Variants in BOD1L1 observed in about 807,000 individuals in gnomAD.
The protein encoded by BOD1L1 is biorientation of chromosomes in cell division 1 like 1.
BOD1L1 carries 86 observed loss-of-function variants against 240.7 expected under a neutral mutation model. The observed-to-expected ratio is 0.36, with a 90% CI of 0.30 to 0.43. The LOEUF (loss-of-function observed/expected upper bound fraction) is 0.43, where lower values mean the gene tolerates loss of function less well. Among genes scored for constraint, BOD1L1 ranks in the 20% least tolerant of loss-of-function variants. The probability of loss-of-function intolerance (pLI) is 1.00; values close to 1 mark genes in which losing one functional copy is unlikely to be tolerated. For missense variants in BOD1L1, 3,554 were observed against 3,643.5 expected, an observed-to-expected ratio of 0.98 and a Z score of 0.63; for synonymous variants, 1,268 against 1,272.3, an observed-to-expected ratio of 1.00 and a Z score of 0.07.
In BOD1L1 at chr4:13,613,676, T is replaced by C; in HGVS notation, c.1175-15A>G. On this transcript the variant is annotated splice_polypyrimidine_tract_variant and intron_variant, in intron 4 of 25. Coordinates refer to ENST00000040738, the MANE Select transcript of BOD1L1 (RefSeq NM_148894.3). This position sits in a 1 kb window ranked among gnomAD's most constrained non-coding sequence, Gnocchi z 4.0. The stretch of plus-strand genomic sequence containing the variant: ...CAAAGAGAAATCTTCAAGCGGAAAA[T>C]AAAACACAGAAAAAAAAATCATCTT... The C allele has an allele frequency of 6.7e-7, 1 of 1,491,926 alleles. No homozygotes were observed. Among genetic ancestry groups the C allele is most frequent in the Non-Finnish European group, 9.0e-7 (1 of 1,110,014 alleles). 92.4% of individuals were successfully genotyped at this position (1,491,926 alleles called of 1,614,324 possible).
rs760450890 is a variant in BOD1L1 at position 13,601,515 on chromosome 4, C to G, written c.5385G>C (p.Gly1795=). The part of the protein sequence containing the change: ...TEGESAVTST[G]ITEDGEGPAS... ...CTGGCCCCTCTCCATCTTCTGTTAT[C>G]CCCGTGCTGGTGACTGCACTCTCAC... The change falls in exon 10 of 26, where the codon GGG becomes GGC. Residue 1795 remains glycine, a synonymous_variant. Transcript: ENST00000040738. 1 of 1,614,032 alleles carries G rather than the reference C, an allele frequency of 6.2e-7. No homozygotes were observed. The highest frequency in any genetic ancestry group is 8.5e-7 in the Non-Finnish European group (1 of 1,179,896).
rs748030054 is a variant in BOD1L1 at position 13,610,928 on chromosome 4, A to G, written c.1491+6T>C. The G allele has an allele frequency of 1.9e-6, 3 of 1,593,162 alleles. No homozygotes were observed. Among genetic ancestry groups the G allele is most frequent in the Non-Finnish European group, 2.6e-6 (3 of 1,171,816 alleles). ...AGGTTAAAATAACAGAACAAACTGG[A>G]CTTACAATGGACTGTCGTCGTTGTT... On this transcript the variant is annotated splice_donor_region_variant and intron_variant, in intron 6 of 25. Coordinates refer to ENST00000040738, the MANE Select transcript of BOD1L1 (RefSeq NM_148894.3).
At chr4:13,609,431 G>T in intron 6 of BOD1L1, 25 bp from the exon 7 acceptor site, 1 of 1,395,526 alleles carries the variant, frequency 7.2e-7, no homozygotes, top group East Asian at 2.6e-5. Flanking sequence ...TACCCTAACA[G>T]ATTATTAGGC....
chr4:13,573,482 T>A (rs77144434), intron 25 of BOD1L1, among the ~76,000 whole-genome samples: 695 of 55,730 alleles, frequency 0.012, 5 homozygotes, highest in African/African-American at 0.021. Flanking sequence ...CTTTCTTTCT[T>A]TCTTTCTTTC....
At chr4:13,571,524 G>A (rs1195285361) in intron 25 of BOD1L1, among the ~76,000 whole-genome samples, 2 of 152,198 alleles carry the variant, frequency 1.3e-5, no homozygotes, top group South Asian at 2.1e-4. Flanking sequence ...TAAAGGTGCC[G>A]TGCGCAGTAT....
At chr4:13,578,449 C>A (rs571847213) in intron 22 of BOD1L1, among the ~76,000 whole-genome samples, 1 of 152,296 alleles carries the variant, frequency 6.6e-6, no homozygotes, top group Non-Finnish European at 1.5e-5. Flanking sequence ...ATTAGGAATG[C>A]TCAACTGGGA....
chr4:13,602,121 CCCA>C lies in BOD1L1; in HGVS notation c.4776_4778del (p.Gly1593del). 2 of 1,614,004 alleles carry C rather than the reference CCCA, an allele frequency of 1.2e-6. No homozygotes were observed. Among genetic ancestry groups the C allele is most frequent in the South Asian group, 2.2e-5 (2 of 91,088 alleles). ...CAGCAAATCCCTCTGTGACAACAGC[CCCA>C]CCTTCTTCAGCTGCAGCAAAAACAG... On this transcript the variant is annotated inframe_deletion, in exon 10 of 26. Coordinates refer to ENST00000040738, the MANE Select transcript of BOD1L1 (RefSeq NM_148894.3).
intron 23 of BOD1L1, 29 bp downstream of exon 23, chr4:13,577,553 C>T (rs1211811133): frequency 3.1e-6 from 5 of 1,588,070 alleles, no homozygotes; most frequent in Non-Finnish European, 4.3e-6. Flanking sequence ...TTCTAAACAA[C>T]ATATCTTGAT....
Position 13,599,886 on chromosome 4 carries a change from C to T in BOD1L1, c.7014G>A (p.Met2338Ile). ...GTCTGTCAATGCTGGCGGAAATTGG[C>T]ATACATTCTGCTGTGCTGGTGGAGA... Reference protein sequence around the residue: ...AIISTSTAECMPISASIDRHE... With the variant: ...AIISTSTAECIPISASIDRHE... Residue 2338 changes from methionine (M) to isoleucine (I), a missense_variant, in exon 10 of 26, where the codon ATG (methionine) becomes ATA (isoleucine). Transcript: ENST00000040738. The T allele has an allele frequency of 1.2e-6, 2 of 1,613,974 alleles. No homozygotes were observed. The highest frequency in any genetic ancestry group is 1.6e-4 in the Middle Eastern group (1 of 6,062).
At position 13,613,638 on chromosome 4, in the gene BOD1L1, C is replaced by T. The variant is rs139829717; in HGVS notation, c.1198G>A (p.Val400Met). The change falls in exon 5 of 26, where the codon GTG becomes ATG. Residue 400 changes from valine (V) to methionine (M), a missense_variant. Val to Met is a conservative substitution (Grantham distance 21). Transcript: ENST00000040738. The surrounding 1 kb of genome is among the most constrained non-coding windows in gnomAD (Gnocchi z 4.0). Reference protein sequence around the residue: ...KEDFSLIDSDVDGLTDITVSS... With the variant: ...KEDFSLIDSDMDGLTDITVSS... ...ACTGTGATGTCTGTAAGTCCATCCA[C>T]ATCAGAATCTATCAAAGAGAAATCT... 19 of 1,560,868 alleles carry T rather than the reference C, an allele frequency of 1.2e-5. No individual in the cohort carries two copies. The African/African-American group carries it at 2.0e-4, about 17-fold the overall frequency.
chr4:13,621,229 A>G (rs1717013165), intron 1 of BOD1L1, among the ~76,000 whole-genome samples: 1 of 152,200 alleles, frequency 6.6e-6, no homozygotes, highest in African/African-American at 2.4e-5. Context: ...CTGTCTCCCA[A>G]CACTGATGTT....
intron 1 of BOD1L1, 91 bp downstream of exon 1, chr4:13,627,254 C>G: frequency 1.6e-6 from 1 of 614,734 alleles, no homozygotes; most frequent in Non-Finnish European, 2.2e-6. Flanking sequence ...TGGCACACAG[C>G]TGCAGCTCCA....
chr4:13,576,569 A>G (rs1712764408), intron 25 of BOD1L1, among the ~76,000 whole-genome samples: 1 of 151,928 alleles, frequency 6.6e-6, no homozygotes, highest in African/African-American at 2.4e-5. Context: ...CAGATGCTCA[A>G]AAAATATATT....
At chr4:13,578,454 C>G (rs1429043348) in intron 22 of BOD1L1, among the ~76,000 whole-genome samples, 1 of 152,188 alleles carries the variant, frequency 6.6e-6, no homozygotes. Context: ...GAATGCTCAA[C>G]TGGGAAATGC....
Position 13,576,011 on chromosome 4 carries a change from C to T in BOD1L1, c.9038+827G>A, listed in dbSNP as rs987441817. Among the ~76,000 whole-genome samples the T allele has an allele frequency of 4.6e-5, 7 of 150,684 alleles. No homozygotes were observed. The East Asian group carries it at 1.4e-3, about 30-fold the overall frequency. ...TCCGCCTCCCACGGTTAAGCAATTC[C>T]CCTGCCTCAGCCTCCCGAGTAGCTG... On this transcript the variant is annotated intron_variant, in intron 25 of 25. Coordinates refer to ENST00000040738, the MANE Select transcript of BOD1L1 (RefSeq NM_148894.3).
rs960011352 is a variant in BOD1L1 at position 13,627,482 on chromosome 4, G to C, written c.106C>G (p.Pro36Ala). 1 of 1,009,288 alleles carries C rather than the reference G, an allele frequency of 9.9e-7. No homozygotes were observed. Among genetic ancestry groups the C allele is most frequent in the Admixed American group, 6.1e-5 (1 of 16,344 alleles). 62.5% of individuals were successfully genotyped at this position (1,009,288 alleles called of 1,614,324 possible). A position where few individuals can be genotyped will look rare whatever the true frequency, so the allele number is the denominator to read the frequency against. ...PPPPPGPGAG[P>A]GAGGAGGAGA... is the part of the protein sequence containing the mutation. Reference sequence around the variant, plus strand: ...GCGCCGCCCGCCCCGCCCGCGCCGGGGCCAGCCCCGGGGCCCGGCGGCGGC... The same window carrying C: ...GCGCCGCCCGCCCCGCCCGCGCCGGCGCCAGCCCCGGGGCCCGGCGGCGGC... Residue 36 changes from proline to alanine, a missense_variant, in exon 1 of 26, where the codon CCC becomes GCC. Physicochemically the swap from Pro to Ala is conservative, Grantham distance 27. Around this residue, in one of 2 missense-constraint regions of BOD1L1, gnomAD observed 161 missense variants for 216.4 expected, o/e 0.74. Transcript: ENST00000040738.
intron 9 of BOD1L1, 23 bp from the exon 10 acceptor site, chr4:13,605,107 AT>A: frequency 1.4e-6 from 2 of 1,474,532 alleles, no homozygotes; most frequent in Non-Finnish European, 1.8e-6. Context: ...AAAGGTTAAA[AT>A]ATGAGAAATA....
intron 1 of BOD1L1, chr4:13,625,835 T>C (rs1717346761): frequency 6.6e-6 from 1 of 152,190 alleles, no homozygotes; most frequent in Non-Finnish European, 1.5e-5. Context: ...TTGAATTCTC[T>C]GTGGTGCAAA....
intron 25 of BOD1L1, among the ~76,000 whole-genome samples, chr4:13,574,290 T>C (rs1333744926): frequency 6.6e-6 from 1 of 152,120 alleles, no homozygotes; most frequent in Non-Finnish European, 1.5e-5. Context: ...CTATTGGTAC[T>C]ACATGACCAC....
Sources: gnomAD v4.1 joint callset for allele counts (sites outside exome capture counted in the v4.1 genomes callset) on GRCh38, gnomAD v4.1.1 for gene constraint, gnomAD v4.1.1 regional missense constraint, Gnocchi (gnomAD v3.1) non-coding constraint, MANE v1.5 for transcripts, NCBI Gene and HGNC (gene_info 2026-07-23, HGNC 2026-07-21) for gene names.